The following SLC25A17 variants were observed in gnomAD, a reference collection of about 807,000 sequenced individuals.
SLC25A17 encodes peroxisomal membrane protein PMP34.
In SLC25A17, 26 loss-of-function variants were observed where a neutral mutation model predicts 38.5. The ratio of observed to expected loss-of-function variants is 0.68; its 90% CI spans 0.50 to 0.94. The LOEUF is 0.94. SLC25A17 is among the 40% of genes least tolerant of loss of function. The pLI is 0.00. For synonymous variants in SLC25A17, 139 were observed against 136.2 expected, an observed-to-expected ratio of 1.02 and a Z score of -0.14; for missense variants, 333 against 372.7, an observed-to-expected ratio of 0.89 and a Z score of 0.88.
chr22:40,779,363 A>G (rs2057275916), intron 4 of SLC25A17: 12 of 1,057,984 alleles, frequency 1.1e-5, no homozygotes, highest in Non-Finnish European at 1.4e-5. Flanking sequence ...ATGAAGAGCA[A>G]TAAGTTCCCT....
At chr22:40,803,278 C>T (rs950202301) in intron 1 of SLC25A17, among the ~76,000 whole-genome samples, 1 of 152,098 alleles carries the variant, frequency 6.6e-6, no homozygotes, top group African/African-American at 2.4e-5. Flanking sequence ...AAACTTTGTA[C>T]CCTTTAACTA....
At chr22:40,790,985 C>G (rs1464228859) in intron 4 of SLC25A17, among the ~76,000 whole-genome samples, 1 of 152,106 alleles carries the variant, frequency 6.6e-6, no homozygotes. Context: ...AACTTGAGTT[C>G]TTTGAGTCGT....
At chr22:40,780,238 T>C (rs1334458800) in intron 4 of SLC25A17, 1 of 152,252 alleles carries the variant, frequency 6.6e-6, no homozygotes, top group Non-Finnish European at 1.5e-5. Flanking sequence ...TTTTCATTAG[T>C]TGCATACAGT....
intron 4 of SLC25A17, among the ~76,000 whole-genome samples, chr22:40,783,314 C>A (rs2057310109): frequency 6.6e-6 from 1 of 152,140 alleles, no homozygotes; most frequent in Admixed American, 6.6e-5. Flanking sequence ...GATTAGCAGT[C>A]TCCCTGGCCT....
rs1286021151 is a variant in SLC25A17 at position 40,777,074 on chromosome 22, G to A, written c.659C>T (p.Thr220Ile). The A allele has an allele frequency of 5.0e-6, 8 of 1,614,032 alleles. No homozygotes were observed. The highest frequency in any genetic ancestry group is 4.2e-6 in the Non-Finnish European group (5 of 1,180,024). ...AVAKAIATTV[T>I]YPLQTVQSIL... Reference sequence around the variant, plus strand: ...TGACTGTACCGTCTGCAGGGGATAGGTCACCGTGGTGGCAATCGCTTTGGC... The same window carrying A: ...TGACTGTACCGTCTGCAGGGGATAGATCACCGTGGTGGCAATCGCTTTGGC... Residue 220 changes from threonine to isoleucine, a missense_variant, in exon 7 of 9, where the codon ACC becomes ATC. By Grantham distance (89) the Thr-to-Ile change is moderately conservative. Coordinates refer to ENST00000435456, the MANE Select transcript of SLC25A17 (RefSeq NM_006358.4).
At chr22:40,818,493 G>C (rs2057663574) in intron 1 of SLC25A17, among the ~76,000 whole-genome samples, 1 of 152,100 alleles carries the variant, frequency 6.6e-6, no homozygotes, top group Non-Finnish European at 1.5e-5. Context: ...AGGATCGTTT[G>C]AGGCCAGGAA....
chr22:40,811,670 G>T (rs953309194), intron 1 of SLC25A17, among the ~76,000 whole-genome samples: 1 of 152,108 alleles, frequency 6.6e-6, no homozygotes, highest in Non-Finnish European at 1.5e-5. Context: ...ATGTCACATG[G>T]TAAGAGAGGG....
chr22:40,803,934 C>G (rs1480770962), intron 1 of SLC25A17, among the ~76,000 whole-genome samples: 1 of 151,782 alleles, frequency 6.6e-6, no homozygotes, highest in African/African-American at 2.4e-5. Context: ...GGTGACTGGG[C>G]AAGTCCTTTC....
rs1426335299 is a variant in SLC25A17 at position 40,792,972 on chromosome 22, G to GCCC, written c.183-297_183-296insGGG. On this transcript the variant is annotated intron_variant, in intron 3 of 8. Transcript: ENST00000435456. The stretch of plus-strand genomic sequence containing the variant: ...TAAAATTAGAGACAACTTCCTCATG[G>GCCC]CTGTTAGTTAATAGAGTACCATTCA... Among the ~76,000 whole-genome samples the GCCC allele has an allele frequency of 2.0e-3, 310 of 152,054 alleles. 1 individual carries two copies. The highest frequency in any genetic ancestry group is 3.7e-3 in the Non-Finnish European group (253 of 67,988).
chr22:40,801,125 T>TTTTATATATA (rs1411306043), intron 1 of SLC25A17, among the ~76,000 whole-genome samples: 2 of 49,516 alleles, frequency 4.0e-5, no homozygotes, highest in Admixed American at 3.3e-4. Context: ...AAAAAATATA[T>TTTTATATATA]TACATATATA....
intron 4 of SLC25A17, among the ~76,000 whole-genome samples, chr22:40,784,784 C>CAAAAAAAAAAAAAAAA (rs71200616): frequency 8.3e-5 from 8 of 96,344 alleles, no homozygotes; most frequent in Non-Finnish European, 1.2e-4. Context: ...TCAACAACAA[C>CAAAAAAAAAAAAAAAA]AAAAAAAAAA....
chr22:40,770,880 G>C lies in SLC25A17; in HGVS notation c.878C>G (p.Ala293Gly). 1 of 1,613,382 alleles carries C rather than the reference G, an allele frequency of 6.2e-7. No homozygotes were observed. The highest frequency in any genetic ancestry group is 8.5e-7 in the Non-Finnish European group (1 of 1,179,456). Reference protein sequence around the residue: ...LMFLVYEKLTAATFTVMGLKR... With the variant: ...LMFLVYEKLTGATFTVMGLKR... ...CAGCCCCATAACTGTGAAGGTGGCA[G>C]CTGTCAGTTTCTCATAAACAAGGAA... is the stretch of plus-strand genomic sequence containing the variant. The change falls in exon 9 of 9, where the codon GCT becomes GGT. Residue 293 changes from alanine (A) to glycine (G), a missense_variant. Physicochemically the swap from Ala to Gly is moderately conservative, Grantham distance 60. Coordinates refer to ENST00000435456, the MANE Select transcript of SLC25A17 (RefSeq NM_006358.4).
chr22:40,774,150 T>G, intron 7 of SLC25A17, 131 bp from the exon 8 acceptor site: 1 of 559,560 alleles, frequency 1.8e-6, no homozygotes, highest in South Asian at 2.4e-5. Context: ...ATTAGTACCA[T>G]AGATTTCATT....
intron 3 of SLC25A17, among the ~76,000 whole-genome samples, chr22:40,793,914 A>C (rs759376123): frequency 6.6e-6 from 1 of 152,210 alleles, no homozygotes; most frequent in Non-Finnish European, 1.5e-5. Context: ...TAAAAGTGTC[A>C]GTGTCATGGG....
At chr22:40,792,460 C>T in intron 4 of SLC25A17, 65 bp downstream of exon 4, 1 of 1,398,104 alleles carries the variant, frequency 7.2e-7, no homozygotes, top group Non-Finnish European at 9.7e-7. Flanking sequence ...GCTAAATAAC[C>T]TCTTAGAGGA....
In SLC25A17 at chr22:40,770,184, T is replaced by C. The variant is rs1399101533; in HGVS notation, c.*650A>G. On this transcript the variant is annotated 3_prime_UTR_variant, in exon 9 of 9. Coordinates refer to ENST00000435456, the MANE Select transcript of SLC25A17 (RefSeq NM_006358.4). ...AATGAAAGGATTGATTCAAAATAAA[T>C]ATTCTAAAAATTATGTCAAACACTA... 2.0e-5 allele frequency: 3 copies of C among 152,184 alleles called. No homozygotes were observed. The highest frequency in any genetic ancestry group is 7.2e-5 in the African/African-American group (3 of 41,444). The allele number at this position is 152,184 out of a possible 1,614,324, so 9.4% of individuals were successfully genotyped here. A position where few individuals can be genotyped will look rare whatever the true frequency, so the allele number is the denominator to read the frequency against.
intron 4 of SLC25A17, among the ~76,000 whole-genome samples, chr22:40,788,330 G>C (rs565605238): frequency 1.3e-5 from 2 of 152,266 alleles, no homozygotes; most frequent in African/African-American, 4.8e-5. Context: ...ACATTGTACT[G>C]TTTAAACTAA....
chr22:40,806,826 T>C (rs1419953317), intron 1 of SLC25A17, among the ~76,000 whole-genome samples: 5 of 152,198 alleles, frequency 3.3e-5, no homozygotes. Context: ...ACCTGTGACT[T>C]TTTGCTACCG....
At chr22:40,773,902 G>A in intron 8 of SLC25A17, 35 bp downstream of exon 8, 1 of 1,403,748 alleles carries the variant, frequency 7.1e-7, no homozygotes, top group Non-Finnish European at 1.0e-6. Flanking sequence ...GCTGCTGAAG[G>A]AGAGCACGGA....
Sources: allele counts gnomAD v4.1 joint callset (sites outside exome capture counted in the v4.1 genomes callset), GRCh38; gene constraint gnomAD v4.1.1; transcripts MANE v1.5; gene names NCBI Gene and HGNC (gene_info 2026-07-23, HGNC 2026-07-21).